Variants in RIPOR3 observed in about 807,000 individuals in gnomAD.
RIPOR3 encodes the protein RIPOR family member 3.
RIPOR3 carries 95 observed loss-of-function variants against 114.3 expected under a neutral mutation model. That is an observed-to-expected ratio of 0.83 (90% CI 0.70 to 0.99). The LOEUF (loss-of-function observed/expected upper bound fraction) is 0.99, where lower values mean the gene tolerates loss of function less well. RIPOR3 is among the 50% of genes least tolerant of loss of function. RIPOR3 has a pLI of 0.00. For missense variants in RIPOR3, 1,252 were observed against 1,266.9 expected (o/e 0.99, Z 0.18); for synonymous variants, 575 against 543.8 (o/e 1.06, Z -0.80).
chr20:50,606,518 T>C (rs964841401), intron 11 of RIPOR3, among the ~76,000 whole-genome samples: 1 of 152,142 alleles, frequency 6.6e-6, no homozygotes, highest in Non-Finnish European at 1.5e-5. Context: ...GGAGGGTGTA[T>C]GGATGGGCCG....
intron 1 of RIPOR3, among the ~76,000 whole-genome samples, chr20:50,665,490 G>A (rs4811090): frequency 0.5 from 72,136 of 144,450 alleles, 21,068 homozygotes; most frequent in Middle Eastern, 0.65. Flanking sequence ...GTGTGATCTC[G>A]GCTCTCCGCA....
intron 1 of RIPOR3, among the ~76,000 whole-genome samples, chr20:50,666,325 A>G (rs890138962): frequency 6.7e-6 from 1 of 148,882 alleles, no homozygotes; most frequent in Non-Finnish European, 1.5e-5. Context: ...CCCGGGTTCA[A>G]GCAATTCTCC....
Position 50,609,628 on chromosome 20 carries a change from C to A in RIPOR3, c.521G>T (p.Arg174Leu). The A allele has an allele frequency of 1.4e-6, 2 of 1,406,406 alleles. No individual in the cohort carries two copies. The highest frequency in any genetic ancestry group is 1.8e-6 in the Non-Finnish European group (2 of 1,084,020). 87.1% of individuals were successfully genotyped at this position (1,406,406 alleles called of 1,614,324 possible). ...CTCCTGCAGGCTCTCTCGGGCTGCG[C>A]GGCTCGGGGGGCACCGGGCGAAGGC... ...QRAFARCPPS[R>L]AARESLQELG... Residue 174 changes from arginine (R) to leucine (L), a missense_variant, in exon 7 of 22, where the codon CGC (arginine) becomes CTC (leucine). Coordinates refer to ENST00000327979, the MANE Select transcript of RIPOR3 (RefSeq NM_001290268.2).
At chr20:50,666,181 C>CCTTGTCTTTTCTTTTCTTTTCTTTT (rs1600720832) in intron 1 of RIPOR3, among the ~76,000 whole-genome samples, 6 of 14,960 alleles carry the variant, frequency 4.0e-4, no homozygotes, top group South Asian at 6.4e-3. Context: ...GAAAGGACAC[C>CCTTGTCTTTTCTTTTCTTTTCTTTT]CATTTCTTTT....
intron 1 of RIPOR3, chr20:50,645,981 A>G (rs1242227076): frequency 6.6e-6 from 1 of 152,172 alleles, no homozygotes; most frequent in Non-Finnish European, 1.5e-5. Context: ...CCTGGTGCCT[A>G]TTGGAGAGGG....
At chr20:50,651,878 T>C (rs181400435) in intron 1 of RIPOR3, among the ~76,000 whole-genome samples, 17 of 152,332 alleles carry the variant, frequency 1.1e-4, no homozygotes, top group African/African-American at 3.6e-4. Flanking sequence ...CTCTGGGAGC[T>C]ACAGGCCAAT....
intron 1 of RIPOR3, among the ~76,000 whole-genome samples, chr20:50,654,373 G>A (rs1030833294): frequency 4.1e-5 from 6 of 147,596 alleles, no homozygotes; most frequent in Non-Finnish European, 8.9e-5. Context: ...CACTCCGTTG[G>A]CCAGGCTGGT....
At chr20:50,612,581 A>G (rs1203373806) in intron 4 of RIPOR3, among the ~76,000 whole-genome samples, 2 of 152,156 alleles carry the variant, frequency 1.3e-5, no homozygotes, top group East Asian at 3.9e-4. Context: ...TTTGTAAGAC[A>G]ATTTTAACTC....
chr20:50,602,459 C>A lies in RIPOR3; in HGVS notation c.1272G>T (p.Ala424=). The change falls in exon 13 of 22, where the codon GCG becomes GCT. Residue 424 remains alanine, a synonymous_variant. Transcript: ENST00000327979. This position sits in a 1 kb window ranked among gnomAD's most constrained non-coding sequence, Gnocchi z 4.3. ...DPRDTETSTS[A]STSDVGFLPL... ...GCAGGAAGCCCACATCTGAGGTGGA[C>A]GCCGACGTGCTGGTCTCCGTGTCTC... The A allele has an allele frequency of 6.4e-7, 1 of 1,561,170 alleles. No homozygotes were observed.
intron 20 of RIPOR3, 80 bp from the exon 21 acceptor site, chr20:50,587,972 G>GC (rs886343949): frequency 1.5e-4 from 208 of 1,342,866 alleles, no homozygotes; most frequent in Middle Eastern, 1.9e-4. Context: ...GCCCTGCAGG[G>GC]CCAGTCCTAG....
Position 50,597,616 on chromosome 20 carries a change from T to A in RIPOR3, c.1754A>T (p.Asp585Val). The A allele has an allele frequency of 6.2e-7, 1 of 1,611,184 alleles. No homozygotes were observed. Among genetic ancestry groups the A allele is most frequent in the African/African-American group, 1.3e-5 (1 of 74,948 alleles). ...FAFLNADFAL[D>V]ELSLFGGSQG... ...GGAGCCCCCAAACAGGGACAGCTCA[T>A]CCAGGGCGAAGTCGGCATTGAGGAA... Residue 585 changes from aspartate (D) to valine (V), a missense_variant, in exon 14 of 22, where the codon GAT becomes GTT. Asp to Val is a radical substitution (Grantham distance 152). Transcript: ENST00000327979.
At chr20:50,619,788 C>T (rs578009362) in intron 3 of RIPOR3, among the ~76,000 whole-genome samples, 198 bp downstream of exon 3, 15 of 152,366 alleles carry the variant, frequency 9.8e-5, no homozygotes, top group African/African-American at 3.4e-4. Flanking sequence ...GCCTTAGTCA[C>T]TGCCAGGTTT....
intron 14 of RIPOR3, 87 bp from the exon 15 acceptor site, chr20:50,596,350 C>A: frequency 6.3e-7 from 1 of 1,579,562 alleles, no homozygotes. Flanking sequence ...CCCAGCGAGC[C>A]CCAGGTCAGG....
chr20:50,592,883 C>T (rs867523457), intron 18 of RIPOR3, 152 bp downstream of exon 18: 18 of 1,052,494 alleles, frequency 1.7e-5, no homozygotes, highest in East Asian at 4.8e-5. Flanking sequence ...CAGCCCCCAT[C>T]GGCTGAACGC....
intron 1 of RIPOR3, among the ~76,000 whole-genome samples, chr20:50,664,180 A>C (rs2086106199): frequency 6.6e-6 from 1 of 151,266 alleles, no homozygotes; most frequent in Non-Finnish European, 1.5e-5. Context: ...ACCTGCCTCG[A>C]CCTCCCAAAG....
At chr20:50,603,602 C>T (rs2083582992) in intron 12 of RIPOR3, among the ~76,000 whole-genome samples, 1 of 152,188 alleles carries the variant, frequency 6.6e-6, no homozygotes, top group African/African-American at 2.4e-5. Context: ...ATAGAAACAG[C>T]AGCAGCTGTC....
At chr20:50,671,982 G>A (rs376803857) in intron 1 of RIPOR3, among the ~76,000 whole-genome samples, 9 of 137,106 alleles carry the variant, frequency 6.6e-5, no homozygotes, top group South Asian at 2.4e-4. Flanking sequence ...GGATGGGTGC[G>A]TGGATGGATG....
At chr20:50,633,976 TTTTC>T (rs1254044778) in intron 1 of RIPOR3, among the ~76,000 whole-genome samples, 1 of 131,504 alleles carries the variant, frequency 7.6e-6, no homozygotes, top group East Asian at 2.0e-4. Flanking sequence ...TCTTTCTTTC[TTTTC>T]TTTTTTTTTT....
intron 11 of RIPOR3, among the ~76,000 whole-genome samples, chr20:50,607,331 C>T (rs988274668): frequency 1.1e-4 from 16 of 152,170 alleles, no homozygotes; most frequent in Admixed American, 9.8e-4. Context: ...ATGGGAGCAC[C>T]GAGGCAAGTG....
Sources: allele counts gnomAD v4.1 joint callset (sites outside exome capture counted in the v4.1 genomes callset), GRCh38; gene constraint gnomAD v4.1.1; non-coding constraint Gnocchi (gnomAD v3.1); transcripts MANE v1.5; gene names NCBI Gene and HGNC (gene_info 2026-07-23, HGNC 2026-07-21).